Variants in TJP1 observed in about 807,000 individuals in gnomAD.
The protein encoded by TJP1 is tight junction protein 1.
Under a neutral mutation model 194.2 loss-of-function variants are expected in TJP1, and 43 were observed. That is an observed-to-expected ratio of 0.22 (90% confidence interval 0.17 to 0.29). The LOEUF (loss-of-function observed/expected upper bound fraction) is 0.29, where lower values mean the gene tolerates loss of function less well. Among genes scored for constraint, TJP1 ranks in the 10% least tolerant of loss-of-function variants. TJP1 has a pLI of 1.00. For synonymous variants in TJP1, 801 were observed against 779.0 expected, an observed-to-expected ratio of 1.03 and a Z score of -0.47; for missense variants, 1,971 against 2,185.7, an observed-to-expected ratio of 0.90 and a Z score of 1.96.
intron 14 of TJP1, 37 bp from the exon 15 acceptor site, chr15:29,732,565 T>C (rs764725537): frequency 4.9e-5 from 79 of 1,613,420 alleles, no homozygotes; most frequent in Non-Finnish European, 5.6e-5. Flanking sequence ...GCATATTTTA[T>C]ACCTTTTCTT....
intron 2 of TJP1, among the ~76,000 whole-genome samples, chr15:29,894,264 GC>G (rs1051588766): frequency 7.0e-4 from 107 of 152,272 alleles, no homozygotes; most frequent in Admixed American, 7.0e-3. Flanking sequence ...TTTGAGACCA[GC>G]CTGGCCAACA....
intron 2 of TJP1, among the ~76,000 whole-genome samples, chr15:29,852,304 A>G (rs1436912239): frequency 1.3e-5 from 2 of 152,236 alleles, no homozygotes; most frequent in Admixed American, 6.5e-5. Context: ...AAAAATGAAC[A>G]AAAGACAGAC....
At chr15:29,742,533 C>T in intron 9 of TJP1, 109 bp downstream of exon 9, 2 of 1,276,986 alleles carry the variant, frequency 1.6e-6, no homozygotes, top group Non-Finnish European at 2.1e-6. Flanking sequence ...CAGACAAATT[C>T]ACACATGAGA....
At chr15:29,929,710 A>C (rs1476929354) in intron 2 of TJP1, among the ~76,000 whole-genome samples, 2 of 152,124 alleles carry the variant, frequency 1.3e-5, no homozygotes, top group Non-Finnish European at 2.9e-5. Context: ...ATAAAATTAA[A>C]AATAAATAAA....
intron 2 of TJP1, among the ~76,000 whole-genome samples, chr15:29,871,313 T>C (rs781717462): frequency 3.4e-4 from 51 of 152,228 alleles, no homozygotes; most frequent in Admixed American, 1.7e-3. Flanking sequence ...GCAAACGTTA[T>C]AAAATGGGAA....
chr15:29,830,096 G>A (rs1039509374), intron 2 of TJP1, among the ~76,000 whole-genome samples: 3 of 151,590 alleles, frequency 2.0e-5, no homozygotes, highest in African/African-American at 7.3e-5. Flanking sequence ...CATTAAATCA[G>A]TGACCTAACT....
At chr15:29,727,173 A>C (rs773843257) in intron 16 of TJP1, among the ~76,000 whole-genome samples, 182 bp from the exon 17 acceptor site, 27 of 152,062 alleles carry the variant, frequency 1.8e-4, no homozygotes, top group East Asian at 3.9e-4. Context: ...GAGAAACTCT[A>C]TCTCTACTAA....
At position 29,701,294 on chromosome 15, in the gene TJP1, C is replaced by G. The variant is rs1016952177; in HGVS notation, c.*301G>C. On this transcript the variant is annotated 3_prime_UTR_variant, in exon 28 of 28. Coordinates refer to ENST00000614355, the MANE Select transcript of TJP1 (RefSeq NM_001330239.4). Reference sequence around the variant, plus strand: ...CCCCATTTACTGGCTGGTATTTTAACGGAAATCAATATGTGAAGTTAAGCA... The same window carrying G: ...CCCCATTTACTGGCTGGTATTTTAAGGGAAATCAATATGTGAAGTTAAGCA... The G allele has an allele frequency of 1.1e-5, 3 of 278,564 alleles. No homozygotes were observed. The highest frequency in any genetic ancestry group is 6.4e-5 in the African/African-American group (3 of 46,836). 17.3% of individuals were successfully genotyped at this position (278,564 alleles called of 1,614,324 possible). A position where few individuals can be genotyped will look rare whatever the true frequency, so the allele number is the denominator to read the frequency against.
At chr15:29,821,946 T>A in intron 1 of TJP1, 56 bp downstream of exon 1, 3 of 1,209,464 alleles carry the variant, frequency 2.5e-6, no homozygotes, top group Non-Finnish European at 2.1e-6. Context: ...CAGATGCCGG[T>A]GGGCGGGCGG....
chr15:29,734,164 T>G, intron 12 of TJP1, 110 bp downstream of exon 12: 1 of 684,804 alleles, frequency 1.5e-6, no homozygotes, highest in South Asian at 2.2e-5. Flanking sequence ...ATTAACAAAT[T>G]CATTCATCAC....
intron 2 of TJP1, among the ~76,000 whole-genome samples, chr15:29,867,827 AG>A (rs2052360498): frequency 6.6e-6 from 1 of 152,134 alleles, no homozygotes; most frequent in African/African-American, 2.4e-5. Flanking sequence ...AGGCCAAGGT[AG>A]GCAGATTGCT....
intron 8 of TJP1, among the ~76,000 whole-genome samples, 158 bp downstream of exon 8, chr15:29,760,981 G>T (rs2045965796): frequency 6.6e-6 from 1 of 152,168 alleles, no homozygotes; most frequent in African/African-American, 2.4e-5. Flanking sequence ...AAAGTTTGCG[G>T]TTATTTTAGA....
In TJP1 at chr15:29,732,753, T is replaced by A. The variant is rs879081364; in HGVS notation, c.1799A>T (p.Asp600Val). Residue 600 changes from aspartate (D) to valine (V), a missense_variant, in exon 14 of 28, where the codon GAC (aspartate) becomes GTC (valine). Asp to Val is a radical substitution (Grantham distance 152, BLOSUM62 -3). Transcript: ENST00000614355. ...GCGAAGACCTCTGAATCTCCAGAAG[T>A]CAGCACGGTCTCCGCCTGCTGTTTT... ...LPKTAGGDRADFWRFRGLRSS... is the reference protein window; with the variant it reads ...LPKTAGGDRAVFWRFRGLRSS... 1 of 1,614,148 alleles carries A rather than the reference T, an allele frequency of 6.2e-7. No individual in the cohort carries two copies. The highest frequency in any genetic ancestry group is 1.1e-5 in the South Asian group (1 of 91,078).
chr15:29,957,854 C>T (rs994152617), intron 1 of TJP1, among the ~76,000 whole-genome samples: 1 of 152,160 alleles, frequency 6.6e-6, no homozygotes, highest in African/African-American at 2.4e-5. Flanking sequence ...TACAAATTTA[C>T]ACTTCCATCA....
At chr15:29,820,429 T>C (rs923690526) in intron 1 of TJP1, 2 of 686,230 alleles carry the variant, frequency 2.9e-6, no homozygotes, top group African/African-American at 1.8e-5. Context: ...ATGTTTACAA[T>C]GCAAAAAAGT....
At chr15:29,899,088 C>T (rs1485220307) in intron 2 of TJP1, among the ~76,000 whole-genome samples, 1 of 152,000 alleles carries the variant, frequency 6.6e-6, no homozygotes, top group African/African-American at 2.4e-5. Flanking sequence ...AATAATTATC[C>T]AATTAGGTTA....
intron 5 of TJP1, among the ~76,000 whole-genome samples, chr15:29,765,213 G>A (rs902697072): frequency 3.3e-5 from 5 of 152,128 alleles, no homozygotes; most frequent in East Asian, 1.9e-4. Flanking sequence ...GGGGCAGAGC[G>A]GAAAAGATAC....
intron 2 of TJP1, among the ~76,000 whole-genome samples, chr15:29,853,739 T>C (rs1240492594): frequency 1.3e-5 from 2 of 152,200 alleles, no homozygotes; most frequent in African/African-American, 4.8e-5. Flanking sequence ...GTTTTTAAAA[T>C]TTCAAAGCTC....
chr15:29,891,845 A>G lies in TJP1; in HGVS notation c.306+64387T>C, dbSNP rs141386547. ...AGGCCTCCTTATTCCCTGAGATACAACATTATTGAAATTAGGCCAATTGAT... is the reference window on the plus strand; with the variant it reads ...AGGCCTCCTTATTCCCTGAGATACAGCATTATTGAAATTAGGCCAATTGAT... On this transcript the variant is annotated intron_variant, in intron 2 of 28. Coordinates refer to the TJP1 transcript ENST00000356107. 3.3e-3 allele frequency among the ~76,000 whole-genome samples: 502 copies of G among 152,308 alleles called. 3 individuals are homozygous for G. The highest frequency in any genetic ancestry group is 4.9e-3 in the Non-Finnish European group (332 of 68,026).
Sources: allele counts gnomAD v4.1 joint callset (sites outside exome capture counted in the v4.1 genomes callset), GRCh38; gene constraint gnomAD v4.1.1; transcripts MANE v1.5; gene names NCBI Gene and HGNC (gene_info 2026-07-23, HGNC 2026-07-21).